The following ANO3 variants were observed in gnomAD, a reference collection of about 807,000 sequenced individuals.
ANO3 encodes anoctamin-3.
Under a neutral mutation model 144.8 loss-of-function variants are expected in ANO3, and 99 were observed. The ratio of observed to expected loss-of-function variants is 0.68; its 90% confidence interval spans 0.58 to 0.81. The LOEUF (loss-of-function observed/expected upper bound fraction) is 0.81, where lower values mean the gene tolerates loss of function less well. Ranked by LOEUF, ANO3 falls within the 30% of genes least tolerant of loss-of-function variation. The pLI is 0.00. For missense variants in ANO3, 905 were observed against 1,202.2 expected (o/e 0.75, Z 3.66); for synonymous variants, 414 against 392.6 (o/e 1.05, Z -0.64).
rs181347596 is a variant in ANO3 at position 26,363,440 on chromosome 11, C to G, written c.46+31119C>G. 3.3e-5 allele frequency among the ~76,000 whole-genome samples: 5 copies of G among 150,612 alleles called. No individual in the cohort carries two copies. In the East Asian group the frequency reaches 9.7e-4, roughly 29 times the overall value. On this transcript the variant is annotated intron_variant, in intron 1 of 26. Transcript: ENST00000256737. ...TCTGGGGGCCTCTCTCCTTGACGTG[C>G]AGATGCCTCTTGTCTTGTCATGTCT...
intron 1 of ANO3, among the ~76,000 whole-genome samples, chr11:26,399,266 T>C (rs1841570): frequency 1 from 151,983 of 151,996 alleles, 75,985 homozygotes; most frequent in Non-Finnish European, 1. Context: ...TCACCTCTCT[T>C]AGGGGCATTT....
At chr11:26,447,937 C>T (rs892824474) in intron 3 of ANO3, among the ~76,000 whole-genome samples, 18 of 152,152 alleles carry the variant, frequency 1.2e-4, no homozygotes, top group East Asian at 1.9e-4. Context: ...CAGTAATCCA[C>T]GTTAACAAGT....
At chr11:26,367,253 A>G (rs998786106) in intron 1 of ANO3, among the ~76,000 whole-genome samples, 1 of 152,194 alleles carries the variant, frequency 6.6e-6, no homozygotes, top group African/African-American at 2.4e-5. Context: ...CCAAACTTTT[A>G]TGGGCTCTTC....
chr11:26,564,767 A>G (rs1435256774), intron 14 of ANO3, among the ~76,000 whole-genome samples: 1 of 98,962 alleles, frequency 1.0e-5, no homozygotes, highest in Non-Finnish European at 2.1e-5. Context: ...ATATATATAT[A>G]TATATATATA....
chr11:26,196,476 T>C (rs1851591926), intron 1 of ANO3, among the ~76,000 whole-genome samples: 1 of 152,184 alleles, frequency 6.6e-6, no homozygotes, highest in South Asian at 2.1e-4. Context: ...CATGAAGCCA[T>C]TTCTCAAAGC....
At chr11:26,288,814 G>A (rs1853867840) in intron 1 of ANO3, among the ~76,000 whole-genome samples, 1 of 151,928 alleles carries the variant, frequency 6.6e-6, no homozygotes, top group Admixed American at 6.6e-5. Flanking sequence ...ATTAAATGGT[G>A]CCATGGATCT....
At chr11:26,445,075 A>G (rs943294000) in intron 3 of ANO3, among the ~76,000 whole-genome samples, 2 of 152,122 alleles carry the variant, frequency 1.3e-5, no homozygotes, top group Non-Finnish European at 2.9e-5. Context: ...TGATTTTAGA[A>G]TATTTGTATT....
intron 4 of ANO3, among the ~76,000 whole-genome samples, chr11:26,471,822 CAA>C (rs1859794222): frequency 6.6e-6 from 1 of 151,782 alleles, no homozygotes; most frequent in African/African-American, 2.4e-5. Flanking sequence ...TACAAAGAAA[CAA>C]AAAATAAGTC....
At chr11:26,595,822 T>C (rs1851610170) in intron 14 of ANO3, among the ~76,000 whole-genome samples, 1 of 152,202 alleles carries the variant, frequency 6.6e-6, no homozygotes, top group Non-Finnish European at 1.5e-5. Context: ...AGTAAGCTAC[T>C]TTTTTGCTTT....
rs376956432 is a variant in ANO3, at chr11:26,428,218, C to T, written c.47-13700C>T. On this transcript the variant is annotated intron_variant, in intron 1 of 26. Transcript: ENST00000256737. ...AACTGGAGGCCCTGAAGAATATAAA[C>T]AAGACAATATAACAGAATTAACACT... Among the ~76,000 whole-genome samples the T allele has an allele frequency of 1.5e-4, 23 of 152,152 alleles. No homozygotes were observed. The South Asian group carries it at 2.3e-3, about 15-fold the overall frequency.
intron 1 of ANO3, among the ~76,000 whole-genome samples, chr11:26,257,898 G>A (rs190295230): frequency 3.9e-5 from 6 of 152,120 alleles, no homozygotes; most frequent in Admixed American, 3.9e-4. Flanking sequence ...AAAGTTGATT[G>A]AAAAGAAATA....
chr11:26,343,457 G>A (rs943504213), intron 1 of ANO3, among the ~76,000 whole-genome samples: 17 of 152,034 alleles, frequency 1.1e-4, no homozygotes, highest in African/African-American at 4.1e-4. Context: ...TTATTTTGGG[G>A]GGTCCTCCAT....
chr11:26,314,092 A>G (rs1854567627), intron 1 of ANO3, among the ~76,000 whole-genome samples: 1 of 152,088 alleles, frequency 6.6e-6, no homozygotes, highest in African/African-American at 2.4e-5. Flanking sequence ...TCAATGTGGC[A>G]AATTCAGTAA....
At chr11:26,639,095 C>A (rs1374952055) in intron 20 of ANO3, 49 bp from the exon 21 acceptor site, 2 of 1,281,658 alleles carry the variant, frequency 1.6e-6, no homozygotes, top group Admixed American at 1.7e-5. Flanking sequence ...ATGTCTGAGC[C>A]TACTGGGAAG....
intron 12 of ANO3, among the ~76,000 whole-genome samples, chr11:26,551,151 T>C (rs372906025): frequency 3.2e-4 from 49 of 152,120 alleles, no homozygotes; most frequent in Non-Finnish European, 6.5e-4. Flanking sequence ...AGCTGGATTA[T>C]AAGGAAGCAT....
chr11:26,404,293 T>C (rs1857221952), intron 1 of ANO3, among the ~76,000 whole-genome samples: 1 of 151,826 alleles, frequency 6.6e-6, no homozygotes, highest in Admixed American at 6.6e-5. Flanking sequence ...GTGATAAGTT[T>C]TACCTTCTAT....
chr11:26,603,839 T>A (rs1851864553), intron 17 of ANO3, among the ~76,000 whole-genome samples: 1 of 152,194 alleles, frequency 6.6e-6, no homozygotes, highest in Admixed American at 6.5e-5. Flanking sequence ...CATATTGTAA[T>A]GGTACAGGTT....
intron 1 of ANO3, among the ~76,000 whole-genome samples, chr11:26,393,741 AT>A (rs1856937847): frequency 6.6e-6 from 1 of 152,106 alleles, no homozygotes; most frequent in Non-Finnish European, 1.5e-5. Context: ...TATTAGTCTC[AT>A]TTTTTCTTTT....
intron 1 of ANO3, among the ~76,000 whole-genome samples, chr11:26,213,398 A>G (rs999763259): frequency 1.2e-4 from 18 of 152,144 alleles, no homozygotes; most frequent in Admixed American, 1.1e-3. Context: ...CTCAGCCCAA[A>G]ATCTCCTTAA....
Sources: gnomAD v4.1 joint callset for allele counts (sites outside exome capture counted in the v4.1 genomes callset) on GRCh38, gnomAD v4.1.1 for gene constraint, MANE v1.5 for transcripts, NCBI Gene and HGNC (gene_info 2026-07-23, HGNC 2026-07-21) for gene names.